ADGRF3: variants seen among roughly 807,000 people sequenced by gnomAD.
ADGRF3 encodes the protein G protein-coupled receptor 113.
In ADGRF3, 85 loss-of-function variants were observed where a neutral mutation model predicts 93.2. That is an observed-to-expected ratio of 0.91 (90% confidence interval 0.77 to 1.09). The LOEUF (loss-of-function observed/expected upper bound fraction) is 1.09, where lower values mean the gene tolerates loss of function less well. Among genes scored for constraint, ADGRF3 ranks in the 50% least tolerant of loss-of-function variants. The pLI is 0.00. For missense variants in ADGRF3, 1,125 were observed against 1,246.2 expected (o/e 0.90, Z 1.46); for synonymous variants, 534 against 532.5 (o/e 1.00, Z -0.04).
chr2:26,332,617 G>A (rs1314975472), intron 1 of ADGRF3, among the ~76,000 whole-genome samples: 3 of 152,116 alleles, frequency 2.0e-5, no homozygotes, highest in African/African-American at 7.2e-5. Context: ...GTATGTGCCT[G>A]TAGTCCCAGC....
intron 1 of ADGRF3, among the ~76,000 whole-genome samples, chr2:26,337,324 T>C (rs1345711190): frequency 6.6e-6 from 1 of 152,250 alleles, no homozygotes. Context: ...CCTTGTAGCT[T>C]CCACTTTATT....
At chr2:26,315,249 G>T (rs565885625) in intron 5 of ADGRF3, among the ~76,000 whole-genome samples, 20 of 152,160 alleles carry the variant, frequency 1.3e-4, no homozygotes, top group Non-Finnish European at 2.6e-4. Context: ...CCTGAAAAGG[G>T]TCTCAGAAGT....
chr2:26,311,683 G>A lies in ADGRF3; in HGVS notation c.1841C>T (p.Pro614Leu). Residue 614 changes from proline to leucine, a missense_variant, in exon 10 of 14, where the codon CCT becomes CTT. Pro to Leu is a moderately conservative substitution (Grantham distance 98). Coordinates refer to ENST00000651242, the MANE Select transcript of ADGRF3 (RefSeq NM_001321971.2). ...QGLGDSLYAT[P>L]GLVLVISIMA... ...GATGGAAATGACAAGGACCAGGCCAGGAGTGGCATAGAGGGAATCCCCCAG... is the reference window on the plus strand; with the variant it reads ...GATGGAAATGACAAGGACCAGGCCAAGAGTGGCATAGAGGGAATCCCCCAG... 1.9e-6 allele frequency: 3 copies of A among 1,613,506 alleles called. 1 individual carries two copies. In the South Asian group the frequency reaches 3.3e-5, roughly 18 times the overall value.
At position 26,346,532 on chromosome 2, in the gene ADGRF3, GA is replaced by G; in HGVS notation, c.-299del. 1 of 433,916 alleles carries G rather than the reference GA, an allele frequency of 2.3e-6. No individual in the cohort carries two copies. The allele number at this position is 433,916 out of a possible 1,614,324, so 26.9% of individuals were successfully genotyped here. On this transcript the variant is annotated 5_prime_UTR_variant, in exon 1 of 14. An upstream open reading frame in the 5' UTR loses its in-frame stop. Transcript: ENST00000651242. ...CCTTTTCCTTAGGAGAGCGCTCAGT[GA>G]TCATGGAGCGAGGGAATTCCCTTCC...
intron 1 of ADGRF3, 100 bp downstream of exon 1, chr2:26,346,021 A>G (rs1574742751): frequency 9.5e-6 from 12 of 1,267,942 alleles, no homozygotes; most frequent in Middle Eastern, 4.4e-4. Context: ...CCCCCCCTCG[A>G]TGGGCGGGGA....
At chr2:26,321,557 G>A (rs1286426036) in intron 1 of ADGRF3, among the ~76,000 whole-genome samples, 3 of 152,240 alleles carry the variant, frequency 2.0e-5, no homozygotes, top group Admixed American at 6.5e-5. Flanking sequence ...CTTCAGTGCC[G>A]AGGGGAGACT....
chr2:26,338,512 G>A (rs1676178874), intron 1 of ADGRF3, among the ~76,000 whole-genome samples: 1 of 152,128 alleles, frequency 6.6e-6, no homozygotes, highest in African/African-American at 2.4e-5. Context: ...GCCCAGGCTG[G>A]AGTGCAATGG....
chr2:26,340,340 T>C (rs536227508), intron 1 of ADGRF3: 1 of 152,326 alleles, frequency 6.6e-6, no homozygotes, highest in South Asian at 2.1e-4. Flanking sequence ...AAATGAATTA[T>C]ATGAATTATA....
intron 1 of ADGRF3, among the ~76,000 whole-genome samples, chr2:26,322,645 C>T (rs1489348220): frequency 6.6e-6 from 1 of 152,154 alleles, no homozygotes; most frequent in Non-Finnish European, 1.5e-5. Context: ...ACTGAGTTTA[C>T]CTCAGTACCC....
Position 26,310,949 on chromosome 2 carries a change from A to G in ADGRF3, c.2575T>C (p.Tyr859His). 7.4e-6 allele frequency: 12 copies of G among 1,613,734 alleles called. No homozygotes were observed. The highest frequency in any genetic ancestry group is 1.0e-5 in the Non-Finnish European group (12 of 1,179,780). ...CWLDGKGGAL[Y>H]TFVGPVLAII... is the part of the protein sequence containing the mutation. ...GCCAGCACTGGCCCCACGAAGGTGT[A>G]TAACGCCCCTCCCTTCCCATCCAAC... The change falls in exon 10 of 14, where the codon TAC becomes CAC. Residue 859 changes from tyrosine to histidine, a missense_variant. By Grantham distance (83) the Tyr-to-His change is moderately conservative. Transcript: ENST00000651242.
At chr2:26,341,518 G>A (rs1004937844) in intron 1 of ADGRF3, among the ~76,000 whole-genome samples, 3 of 152,272 alleles carry the variant, frequency 2.0e-5, no homozygotes, top group Non-Finnish European at 4.4e-5. Flanking sequence ...CTTTTTCTGT[G>A]ACAAAAATAT....
intron 1 of ADGRF3, among the ~76,000 whole-genome samples, chr2:26,327,688 T>A (rs1176125225): frequency 8.6e-6 from 1 of 115,676 alleles, no homozygotes; most frequent in African/African-American, 3.5e-5. Context: ...AGAGAGCACA[T>A]GAGAGAGAGA....
intron 6 of ADGRF3, 144 bp downstream of exon 6, chr2:26,314,269 TG>T: frequency 1.3e-6 from 1 of 783,768 alleles, no homozygotes; most frequent in Non-Finnish European, 2.0e-6. Flanking sequence ...ATGGCTCTGA[TG>T]GGGTAGAAAA....
chr2:26,328,454 G>GT (rs35836521), intron 1 of ADGRF3, among the ~76,000 whole-genome samples: 50,431 of 132,036 alleles, frequency 0.38, 10,915 homozygotes, highest in Non-Finnish European at 0.5. Flanking sequence ...GGCCTTTTTA[G>GT]TTTTTTTTTT....
rs1175335034 is a variant in ADGRF3, at chr2:26,311,774, T to C, written c.1750A>G (p.Ile584Val). Reference sequence around the variant, plus strand: ...CGCAGCACCAGGCTAGTAATACTTATTTCAGTTCCATTACGGACCAATGGG... The same window carrying C: ...CGCAGCACCAGGCTAGTAATACTTACTTCAGTTCCATTACGGACCAATGGG... ...LAPLVRNGTE[I>V]SITSLVLRKL... The change falls in exon 10 of 14, where the codon ATA (isoleucine) becomes GTA (valine). Residue 584 changes from isoleucine (I) to valine (V), a missense_variant. By Grantham distance (29) the Ile-to-Val change is conservative. Transcript: ENST00000651242. 5 of 1,613,590 alleles carry C rather than the reference T, an allele frequency of 3.1e-6. No individual in the cohort carries two copies. Among genetic ancestry groups the C allele is most frequent in the African/African-American group, 1.3e-5 (1 of 74,918 alleles).
At chr2:26,313,623 C>T (rs1558383410) in intron 7 of ADGRF3, 50 bp from the exon 8 acceptor site, 4 of 1,572,756 alleles carry the variant, frequency 2.5e-6, no homozygotes, top group Non-Finnish European at 3.4e-6. Context: ...CTCACCTGAG[C>T]CTCTCCTTGG....
intron 1 of ADGRF3, among the ~76,000 whole-genome samples, chr2:26,345,020 G>A (rs1300371032): frequency 6.6e-6 from 1 of 152,122 alleles, no homozygotes; most frequent in Non-Finnish European, 1.5e-5. Flanking sequence ...CCTTATTTCA[G>A]AGACCCAGAG....
chr2:26,316,365 G>A lies in ADGRF3; in HGVS notation c.409C>T (p.Pro137Ser). ...QWNTSICLHY[P>S]PCQSLHNHQP... ...TGGTTGTGGAGGCTTTGACAAGGAG[G>A]GTAATGGAGGCAGATGCTGGTGTTC... Residue 137 changes from proline (P) to serine (S), a missense_variant, in exon 4 of 14, where the codon CCT (proline) becomes TCT (serine). Physicochemically the swap from Pro to Ser is moderately conservative, Grantham distance 74. Transcript: ENST00000651242. The A allele has an allele frequency of 6.4e-7, 1 of 1,551,874 alleles. No individual in the cohort carries two copies. The highest frequency in any genetic ancestry group is 8.7e-7 in the Non-Finnish European group (1 of 1,147,014).
At chr2:26,338,327 AAC>A in intron 1 of ADGRF3, among the ~76,000 whole-genome samples, 1 of 152,306 alleles carries the variant, frequency 6.6e-6, no homozygotes, top group African/African-American at 2.4e-5. Context: ...CAACCTGGGC[AAC>A]AGAGTGAGAC....
Sources: gnomAD v4.1 joint callset for allele counts (sites outside exome capture counted in the v4.1 genomes callset) on GRCh38, gnomAD v4.1.1 for gene constraint, MANE v1.5 for transcripts, NCBI Gene and HGNC (gene_info 2026-07-23, HGNC 2026-07-21) for gene names.